The following CCSER1 variants were observed in gnomAD, a reference collection of about 807,000 sequenced individuals.
The protein encoded by CCSER1 is serine-rich coiled-coil domain-containing protein 1.
A neutral mutation model predicts 82.0 loss-of-function variants in CCSER1; 41 were observed. That is an observed-to-expected ratio of 0.50 (90% confidence interval 0.39 to 0.65). The LOEUF (loss-of-function observed/expected upper bound fraction) is 0.65. CCSER1 is among the 30% of genes least tolerant of loss of function. The probability of loss-of-function intolerance (pLI) is 0.00; values close to 1 mark genes in which losing one functional copy is unlikely to be tolerated. For missense variants in CCSER1, 1,119 were observed against 1,064.2 expected (o/e 1.05, Z -0.72); for synonymous variants, 414 against 383.9 (o/e 1.08, Z -0.92).
At chr4:90,141,708 A>G (rs568406193) in intron 1 of CCSER1, among the ~76,000 whole-genome samples, 1 of 152,230 alleles carries the variant, frequency 6.6e-6, no homozygotes, top group Non-Finnish European at 1.5e-5. Flanking sequence ...GAAAATGCAC[A>G]TTTCCAACTT....
chr4:90,252,509 G>A (rs944130587), intron 1 of CCSER1, among the ~76,000 whole-genome samples: 1 of 150,402 alleles, frequency 6.6e-6, no homozygotes, highest in African/African-American at 2.4e-5. Flanking sequence ...TTTAATTTTT[G>A]TGGGTACATA....
At chr4:91,390,011 T>G (rs1336817254) in intron 10 of CCSER1, among the ~76,000 whole-genome samples, 1 of 152,078 alleles carries the variant, frequency 6.6e-6, no homozygotes, top group African/African-American at 2.4e-5. Context: ...TCTTCATATA[T>G]CTGTGACAAA....
At chr4:90,388,442 T>C (rs1750430024) in intron 3 of CCSER1, among the ~76,000 whole-genome samples, 1 of 151,940 alleles carries the variant, frequency 6.6e-6, no homozygotes, top group Non-Finnish European at 1.5e-5. Context: ...CCTGAGTAGC[T>C]GGTATTACAG....
chr4:91,417,729 C>CT (rs1174694975), intron 10 of CCSER1, among the ~76,000 whole-genome samples: 1 of 151,734 alleles, frequency 6.6e-6, no homozygotes, highest in Non-Finnish European at 1.5e-5. Context: ...GGAAGAATAG[C>CT]TAATGGATGC....
intron 6 of CCSER1, among the ~76,000 whole-genome samples, chr4:90,653,545 T>G (rs544928330): frequency 6.6e-6 from 1 of 152,266 alleles, no homozygotes; most frequent in South Asian, 2.1e-4. Context: ...TAATAATATT[T>G]TAATACAACA....
chr4:91,601,408 A>G lies in CCSER1; in HGVS notation c.*2351A>G, dbSNP rs1223715235. 3.9e-5 allele frequency: 6 copies of G among 152,066 alleles called. No homozygotes were observed. Among genetic ancestry groups the G allele is most frequent in the Admixed American group, 3.9e-4 (6 of 15,224 alleles). The allele number at this position is 152,066 out of a possible 1,614,324, so 9.4% of individuals were successfully genotyped here. On this transcript the variant is annotated 3_prime_UTR_variant, in exon 11 of 11. Transcript: ENST00000509176. ...TCAGTATTTTCAACATTGTTATAATATTATTTGTAATACTAAGTGTAACTC... is the reference window on the plus strand; with the variant it reads ...TCAGTATTTTCAACATTGTTATAATGTTATTTGTAATACTAAGTGTAACTC...
chr4:91,568,420 G>A (rs1763000391), intron 10 of CCSER1, among the ~76,000 whole-genome samples: 1 of 151,988 alleles, frequency 6.6e-6, no homozygotes, highest in Non-Finnish European at 1.5e-5. Context: ...TATTTTTCAT[G>A]GACGATATCC....
chr4:90,907,029 A>G (rs1725586730), intron 8 of CCSER1, among the ~76,000 whole-genome samples: 1 of 152,160 alleles, frequency 6.6e-6, no homozygotes, highest in Non-Finnish European at 1.5e-5. Flanking sequence ...ATGCTATCCT[A>G]ACTTGTATTG....
At chr4:91,438,030 G>C (rs985516743) in intron 10 of CCSER1, among the ~76,000 whole-genome samples, 1 of 152,310 alleles carries the variant, frequency 6.6e-6, no homozygotes, top group East Asian at 1.9e-4. Context: ...GCCTGCCTCT[G>C]TAGGCTCCAC....
chr4:91,553,597 T>C (rs751392488), intron 10 of CCSER1, among the ~76,000 whole-genome samples: 1 of 151,190 alleles, frequency 6.6e-6, no homozygotes, highest in Non-Finnish European at 1.5e-5. Flanking sequence ...TCAGTCTCCT[T>C]ACTTATTATT....
chr4:90,941,822 A>G (rs927208203), intron 9 of CCSER1, among the ~76,000 whole-genome samples: 3 of 152,324 alleles, frequency 2.0e-5, no homozygotes, highest in South Asian at 4.1e-4. Context: ...AAACAAGTCT[A>G]CATGTCAATG....
intron 10 of CCSER1, among the ~76,000 whole-genome samples, chr4:91,368,192 T>C (rs898629251): frequency 6.6e-6 from 1 of 152,172 alleles, no homozygotes; most frequent in Non-Finnish European, 1.5e-5. Context: ...CTAAAACTTT[T>C]ATGATAACCA....
intron 9 of CCSER1, among the ~76,000 whole-genome samples, chr4:91,069,391 T>A (rs1177086697): frequency 6.6e-6 from 1 of 152,108 alleles, no homozygotes; most frequent in Non-Finnish European, 1.5e-5. Context: ...TGGTTAATAT[T>A]ATACTCAATA....
At chr4:91,548,465 T>A (rs570504303) in intron 10 of CCSER1, among the ~76,000 whole-genome samples, 1 of 152,300 alleles carries the variant, frequency 6.6e-6, no homozygotes, top group South Asian at 2.1e-4. Flanking sequence ...TTTCTTTACA[T>A]AGACTCAAGT....
intron 7 of CCSER1, among the ~76,000 whole-genome samples, chr4:90,791,647 A>G (rs1034675775): frequency 4.6e-5 from 7 of 152,046 alleles, no homozygotes; most frequent in Non-Finnish European, 8.8e-5. Context: ...TCAGGAGATC[A>G]AGACCATCCT....
intron 7 of CCSER1, among the ~76,000 whole-genome samples, chr4:90,811,957 C>CAT (rs1325883718): frequency 1.9e-5 from 2 of 105,560 alleles, no homozygotes; most frequent in Non-Finnish European, 4.0e-5. Flanking sequence ...AATAAACTCA[C>CAT]ATATATATAC....
rs576673594 is a variant in CCSER1 at position 90,505,007 on chromosome 4, A to G, written c.1724+36653A>G. On this transcript the variant is annotated intron_variant, in intron 5 of 10. Transcript: ENST00000509176. Reference sequence around the variant, plus strand: ...CACTAGGCCTAAAACAACTGGGGCCACAGAACAACATGATTTTGGCATTGC... The same window carrying G: ...CACTAGGCCTAAAACAACTGGGGCCGCAGAACAACATGATTTTGGCATTGC... 4.7e-4 allele frequency among the ~76,000 whole-genome samples: 72 copies of G among 152,324 alleles called. 2 individuals are homozygous for G. The Middle Eastern group carries it at 0.027, about 58-fold the overall frequency.
rs191658398 is a variant in CCSER1 at position 91,382,212 on chromosome 4, C to T, written c.2218-216360C>T. ...AGGCCATGCTGGGAGAACCACTACT[C>T]TCTTCACAGCTGTCAGACAGGGACA... is the stretch of plus-strand genomic sequence containing the variant. On this transcript the variant is annotated intron_variant, in intron 10 of 10. Transcript: ENST00000509176. 1.5e-3 allele frequency among the ~76,000 whole-genome samples: 221 copies of T among 152,292 alleles called. 5 individuals are homozygous for T. The highest frequency in any genetic ancestry group is 0.013 in the Admixed American group (200 of 15,300).
intron 5 of CCSER1, among the ~76,000 whole-genome samples, chr4:90,479,464 T>C (rs1370569944): frequency 6.6e-6 from 1 of 152,196 alleles, no homozygotes; most frequent in Non-Finnish European, 1.5e-5. Context: ...GCCATGTTGG[T>C]GTGCTGCACC....
Sources: gnomAD v4.1 joint callset for allele counts (sites outside exome capture counted in the v4.1 genomes callset) on GRCh38, gnomAD v4.1.1 for gene constraint, MANE v1.5 for transcripts, NCBI Gene and HGNC (gene_info 2026-07-23, HGNC 2026-07-21) for gene names.